KCND2: variants seen among roughly 807,000 people sequenced by gnomAD.
KCND2 encodes A-type voltage-gated potassium channel KCND2.
KCND2 carries 16 observed loss-of-function variants against 54.4 expected under a neutral mutation model. The observed-to-expected ratio is 0.29, with a 90% CI of 0.20 to 0.45. The LOEUF is 0.45. KCND2 is among the 20% of genes least tolerant of loss of function. The pLI is 1.00. For synonymous variants in KCND2, 317 were observed against 310.7 expected (o/e 1.02, Z -0.21); for missense variants, 486 against 824.2 (o/e 0.59, Z 5.02).
chr7:120,731,179 G>C (rs1241576859), intron 1 of KCND2, among the ~76,000 whole-genome samples: 3 of 152,192 alleles, frequency 2.0e-5, no homozygotes, highest in African/African-American at 7.2e-5. Flanking sequence ...CTGGCCTTAT[G>C]CTCACGAAAC....
At chr7:120,528,670 T>G (rs1352846234) in intron 1 of KCND2, among the ~76,000 whole-genome samples, 2 of 152,246 alleles carry the variant, frequency 1.3e-5, no homozygotes, top group East Asian at 3.9e-4. Flanking sequence ...TGATACACAT[T>G]TTGCTGCAAT....
At chr7:120,455,448 G>T (rs1449143484) in intron 1 of KCND2, among the ~76,000 whole-genome samples, 1 of 152,048 alleles carries the variant, frequency 6.6e-6, no homozygotes, top group South Asian at 2.1e-4. Flanking sequence ...ACTTAAAAGA[G>T]AATAATCATT....
chr7:120,338,366 G>GT (rs1800181142), intron 1 of KCND2, among the ~76,000 whole-genome samples: 1 of 151,630 alleles, frequency 6.6e-6, no homozygotes, highest in Admixed American at 6.6e-5. Context: ...TTTGGGCTTT[G>GT]TTTTTTATCT....
At chr7:120,536,747 T>G (rs1227438650) in intron 1 of KCND2, among the ~76,000 whole-genome samples, 1 of 152,156 alleles carries the variant, frequency 6.6e-6, no homozygotes, top group Non-Finnish European at 1.5e-5. Flanking sequence ...GCTCCACTTC[T>G]AATTCTAGTT....
intron 1 of KCND2, among the ~76,000 whole-genome samples, chr7:120,353,526 G>A (rs934344890): frequency 2.6e-5 from 4 of 151,974 alleles, no homozygotes; most frequent in African/African-American, 9.7e-5. Context: ...TAAATGACAT[G>A]GAAAATAATG....
At chr7:120,604,318 A>G (rs1166036893) in intron 1 of KCND2, among the ~76,000 whole-genome samples, 1 of 145,062 alleles carries the variant, frequency 6.9e-6, no homozygotes, top group Non-Finnish European at 1.5e-5. Flanking sequence ...CCTGGCCAAC[A>G]TGGCAAAACC....
chr7:120,657,733 A>G (rs1425013133), intron 1 of KCND2, among the ~76,000 whole-genome samples: 1 of 152,094 alleles, frequency 6.6e-6, no homozygotes, highest in African/African-American at 2.4e-5. Context: ...CTGTAATCCT[A>G]GATACTCCGC....
chr7:120,295,539 A>G (rs1799500307), intron 1 of KCND2, among the ~76,000 whole-genome samples: 1 of 151,982 alleles, frequency 6.6e-6, no homozygotes, highest in Non-Finnish European at 1.5e-5. Context: ...TGCTAATGGT[A>G]GATTCTGAAT....
intron 1 of KCND2, among the ~76,000 whole-genome samples, chr7:120,452,918 C>A (rs1802138219): frequency 6.6e-6 from 1 of 152,176 alleles, no homozygotes; most frequent in Non-Finnish European, 1.5e-5. Flanking sequence ...CCTCTGTCTG[C>A]TGGCCTCTCC....
intron 1 of KCND2, among the ~76,000 whole-genome samples, chr7:120,312,275 A>G (rs1799746104): frequency 6.6e-6 from 1 of 151,876 alleles, no homozygotes; most frequent in Admixed American, 6.6e-5. Flanking sequence ...CTCTTTATCC[A>G]GTGTGTCATT....
intron 1 of KCND2, among the ~76,000 whole-genome samples, chr7:120,372,597 G>A (rs1433767743): frequency 6.6e-6 from 1 of 151,808 alleles, no homozygotes; most frequent in South Asian, 2.1e-4. Context: ...GTATTGTAAT[G>A]ATTTTCAGTT....
At chr7:120,687,833 A>G (rs969788160) in intron 1 of KCND2, among the ~76,000 whole-genome samples, 2 of 152,228 alleles carry the variant, frequency 1.3e-5, no homozygotes, top group Admixed American at 6.5e-5. Context: ...TTTGTAGTTA[A>G]TGAAATAGGG....
At chr7:120,649,951 T>G (rs1791705366) in intron 1 of KCND2, among the ~76,000 whole-genome samples, 1 of 152,198 alleles carries the variant, frequency 6.6e-6, no homozygotes, top group Non-Finnish European at 1.5e-5. Flanking sequence ...GCCCCCACTC[T>G]CTTCTGGCTT....
At chr7:120,613,517 C>T (rs112468966) in intron 1 of KCND2, among the ~76,000 whole-genome samples, 8,764 of 152,088 alleles carry the variant, frequency 0.058, 269 homozygotes, top group African/African-American at 0.075. Context: ...GGAGACAGAG[C>T]GAGACTCCAT....
intron 2 of KCND2, 28 bp downstream of exon 2, chr7:120,733,093 G>C (rs1250681639): frequency 6.2e-7 from 1 of 1,611,168 alleles, no homozygotes; most frequent in African/African-American, 1.3e-5. Context: ...TGCAACCATG[G>C]TTTAGCACTT....
At position 120,314,080 on chromosome 7, in the gene KCND2, A is replaced by G. The variant is rs573849070; in HGVS notation, c.1115+38333A>G. Among the ~76,000 whole-genome samples, 3 of 151,970 alleles carry G rather than the reference A, an allele frequency of 2.0e-5. No individual in the cohort carries two copies. The East Asian group carries it at 5.8e-4, about 29-fold the overall frequency. On this transcript the variant is annotated intron_variant, in intron 1 of 5. Coordinates refer to ENST00000331113, the MANE Select transcript of KCND2 (RefSeq NM_012281.3). The stretch of plus-strand genomic sequence containing the variant: ...CTTCAGTGTAAATACAAAAAAAAAA[A>G]AGCCAACATCATTTGAGCTTCTACT...
chr7:120,713,844 G>A (rs913260612), intron 1 of KCND2, among the ~76,000 whole-genome samples: 3 of 152,116 alleles, frequency 2.0e-5, no homozygotes, highest in African/African-American at 7.2e-5. Flanking sequence ...GGAAATTCTG[G>A]ATTGTTTTGA....
At chr7:120,309,450 A>AACATATATATAT (rs1799696165) in intron 1 of KCND2, among the ~76,000 whole-genome samples, 1 of 28,280 alleles carries the variant, frequency 3.5e-5, no homozygotes, top group Non-Finnish European at 1.1e-4. Flanking sequence ...TATAATAGAA[A>AACATATATATAT]ACATATATAT....
At chr7:120,407,095 G>A (rs1294865941) in intron 1 of KCND2, among the ~76,000 whole-genome samples, 4 of 151,870 alleles carry the variant, frequency 2.6e-5, no homozygotes, top group Admixed American at 1.3e-4. Context: ...CCTTCATGGC[G>A]CTATGGTTGT....
Sources: gnomAD v4.1 joint callset for allele counts (sites outside exome capture counted in the v4.1 genomes callset) on GRCh38, gnomAD v4.1.1 for gene constraint, MANE v1.5 for transcripts, NCBI Gene and HGNC (gene_info 2026-07-23, HGNC 2026-07-21) for gene names.